The following LCP1 variants were observed in gnomAD, a reference collection of about 807,000 sequenced individuals.
The protein encoded by LCP1 is lymphocyte cytosolic protein 1, also known as plastin-2.
Under a neutral mutation model 72.0 loss-of-function variants are expected in LCP1, and 23 were observed. The ratio of observed to expected loss-of-function variants is 0.32; its 90% CI spans 0.23 to 0.45. The LOEUF (loss-of-function observed/expected upper bound fraction) is 0.45, where lower values mean the gene tolerates loss of function less well. Among genes scored for constraint, LCP1 ranks in the 20% least tolerant of loss-of-function variants. LCP1 has a pLI of 1.00. For missense variants in LCP1, 571 were observed against 748.3 expected (o/e 0.76, Z 2.76); for synonymous variants, 245 against 275.4 (o/e 0.89, Z 1.09).
intron 8 of LCP1, among the ~76,000 whole-genome samples, chr13:46,150,472 G>A (rs1439106138): frequency 1.3e-5 from 2 of 152,128 alleles, no homozygotes; most frequent in South Asian, 2.1e-4. Context: ...TTCAATAAGA[G>A]AATACACATA....
chr13:46,144,419 A>G, intron 11 of LCP1, 23 bp downstream of exon 11: 1 of 1,568,412 alleles, frequency 6.4e-7, no homozygotes, highest in Non-Finnish European at 8.8e-7. Flanking sequence ...CTTACATTAG[A>G]ATGAGTTCCC....
chr13:46,163,439 A>G (rs1000636664), intron 1 of LCP1, among the ~76,000 whole-genome samples: 1 of 152,142 alleles, frequency 6.6e-6, no homozygotes, highest in Non-Finnish European at 1.5e-5. Context: ...TGAAGGCAGC[A>G]TGCTCGTTAA....
chr13:46,154,967 T>A (rs2045791709), intron 5 of LCP1, 81 bp from the exon 6 acceptor site: 1 of 1,017,894 alleles, frequency 9.8e-7, no homozygotes, highest in Non-Finnish European at 1.5e-6. Context: ...ATTCTAGCAA[T>A]ACCATAATCA....
chr13:46,138,455 T>C (rs957593810), intron 13 of LCP1, among the ~76,000 whole-genome samples: 1 of 152,206 alleles, frequency 6.6e-6, no homozygotes, highest in Non-Finnish European at 1.5e-5. Context: ...GATTCTTATG[T>C]AGTAAACACT....
chr13:46,142,213 C>G, intron 13 of LCP1, 79 bp downstream of exon 13: 1 of 1,424,792 alleles, frequency 7.0e-7, no homozygotes. Flanking sequence ...TGAATTAACT[C>G]ATACTGCTAA....
intron 4 of LCP1, among the ~76,000 whole-genome samples, chr13:46,157,006 GA>G (rs1297541657): frequency 1.3e-5 from 2 of 151,634 alleles, no homozygotes; most frequent in Non-Finnish European, 2.9e-5. Flanking sequence ...ATTTTTAGTA[GA>G]GACGGGGTTT....
intron 6 of LCP1, 71 bp downstream of exon 6, chr13:46,154,734 C>T (rs1199425461): frequency 1.6e-5 from 20 of 1,259,506 alleles, no homozygotes; most frequent in Non-Finnish European, 2.1e-5. Flanking sequence ...CTGAAAAAGG[C>T]GGACTCAGCA....
intron 15 of LCP1, among the ~76,000 whole-genome samples, chr13:46,130,252 A>G (rs956240786): frequency 1.3e-5 from 2 of 152,254 alleles, no homozygotes; most frequent in African/African-American, 4.8e-5. Context: ...GCAACTATGC[A>G]ACTCTGCTGT....
chr13:46,141,134 A>G (rs7322204), intron 13 of LCP1, among the ~76,000 whole-genome samples: 88,107 of 151,994 alleles, frequency 0.58, 26,628 homozygotes, highest in African/African-American at 0.77. Flanking sequence ...GGAGCTGGGC[A>G]TGGTGGCTCA....
chr13:46,138,115 G>C (rs887038232), intron 13 of LCP1, among the ~76,000 whole-genome samples: 3 of 152,168 alleles, frequency 2.0e-5, no homozygotes, highest in Non-Finnish European at 2.9e-5. Flanking sequence ...GGTTTTATCT[G>C]CAAGTTTATG....
chr13:46,143,851 G>A (rs1048572151), intron 11 of LCP1, among the ~76,000 whole-genome samples: 1 of 152,214 alleles, frequency 6.6e-6, no homozygotes, highest in African/African-American at 2.4e-5. Context: ...TGGATCATGA[G>A]GTCAAGAGAT....
At chr13:46,143,993 G>A (rs2045714550) in intron 11 of LCP1, among the ~76,000 whole-genome samples, 1 of 152,052 alleles carries the variant, frequency 6.6e-6, no homozygotes, top group Admixed American at 6.5e-5. Flanking sequence ...GTGAACCCGG[G>A]AGGCAGAGCT....
intron 1 of LCP1, among the ~76,000 whole-genome samples, chr13:46,174,565 C>T (rs975916377): frequency 3.9e-5 from 6 of 151,972 alleles, no homozygotes; most frequent in East Asian, 1.9e-4. Context: ...AATTATAGGC[C>T]GGGTGCAGTG....
chr13:46,142,173 T>G, intron 13 of LCP1, 119 bp downstream of exon 13: 1 of 1,055,974 alleles, frequency 9.5e-7, no homozygotes. Context: ...TTTCTCTGGT[T>G]ATGAAGCTTA....
intron 15 of LCP1, 56 bp downstream of exon 15, chr13:46,130,758 C>G: frequency 6.2e-7 from 1 of 1,603,458 alleles, no homozygotes; most frequent in Non-Finnish European, 8.5e-7. Context: ...TTACAACCAT[C>G]CAGCTGCCAG....
In LCP1 at chr13:46,148,454, G is replaced by T. The variant is rs1388576885; in HGVS notation, c.883-7C>A. The T allele has an allele frequency of 6.4e-7, 1 of 1,567,796 alleles. No homozygotes were observed. On this transcript the variant is annotated splice_polypyrimidine_tract_variant and splice_region_variant and intron_variant, in intron 8 of 15. Coordinates refer to ENST00000323076, the MANE Select transcript of LCP1 (RefSeq NM_002298.5). ...GGTAATAAGCTTTTGAGTCCTGTGA[G>T]AAATTAAGAAATTCCAATTTCAAAA...
chr13:46,160,778 C>T (rs969684448), intron 1 of LCP1, among the ~76,000 whole-genome samples: 7 of 152,216 alleles, frequency 4.6e-5, no homozygotes, highest in South Asian at 2.1e-4. Context: ...GTTTGTTGAA[C>T]TTACTGGTGC....
At position 46,126,398 on chromosome 13, in the gene LCP1, T is replaced by A. The variant is rs1388144476; in HGVS notation, c.*1193A>T. ...AATTCTTTGTCCAGTAAATTAGCTC[T>A]TCATAACGCAGTTCCACCATTTCTT... On this transcript the variant is annotated 3_prime_UTR_variant, in exon 16 of 16. Transcript: ENST00000323076. 4.3e-6 allele frequency: 1 copy of A among 231,578 alleles called. No individual in the cohort carries two copies. The highest frequency in any genetic ancestry group is 8.6e-6 in the Non-Finnish European group (1 of 116,798). The allele number at this position is 231,578 out of a possible 1,614,324, so 14.3% of individuals were successfully genotyped here. A position where few individuals can be genotyped will look rare whatever the true frequency, so the allele number is the denominator to read the frequency against.
chr13:46,162,878 G>C (rs1459905110), intron 1 of LCP1, among the ~76,000 whole-genome samples: 1 of 147,518 alleles, frequency 6.8e-6, no homozygotes, highest in Non-Finnish European at 1.5e-5. Flanking sequence ...CGGCTGCCCC[G>C]TCTGAGAAGT....
Sources: allele counts gnomAD v4.1 joint callset (sites outside exome capture counted in the v4.1 genomes callset), GRCh38; gene constraint gnomAD v4.1.1; transcripts MANE v1.5; gene names NCBI Gene and HGNC (gene_info 2026-07-23, HGNC 2026-07-21).